Variants in ADGRB3 observed in about 807,000 individuals in gnomAD.
ADGRB3 encodes brain-specific angiogenesis inhibitor 3.
A neutral mutation model predicts 193.4 loss-of-function variants in ADGRB3; 37 were observed. That is an observed-to-expected ratio of 0.19 (90% CI 0.15 to 0.25). ADGRB3 has a LOEUF of 0.25. Among genes scored for constraint, ADGRB3 ranks in the 10% least tolerant of loss-of-function variants. The probability of loss-of-function intolerance (pLI) is 1.00; values close to 1 mark genes in which losing one functional copy is unlikely to be tolerated. For missense variants in ADGRB3, 1,637 were observed against 1,852.9 expected, an observed-to-expected ratio of 0.88 and a Z score of 2.14; for synonymous variants, 690 against 644.2, an observed-to-expected ratio of 1.07 and a Z score of -1.08.
At chr6:69,031,036 TCTCTC>T (rs1770646692) in intron 13 of ADGRB3, among the ~76,000 whole-genome samples, 4 of 62,626 alleles carry the variant, frequency 6.4e-5, no homozygotes, top group Non-Finnish European at 1.0e-4. Flanking sequence ...CCTCTTCTCT[TCTCTC>T]TTCTCTTCTC....
At chr6:68,765,246 A>G (rs962887834) in intron 3 of ADGRB3, among the ~76,000 whole-genome samples, 1 of 152,104 alleles carries the variant, frequency 6.6e-6, no homozygotes, top group Non-Finnish European at 1.5e-5. Flanking sequence ...TAATGTATTC[A>G]ATTATGAAAT....
intron 17 of ADGRB3, among the ~76,000 whole-genome samples, chr6:69,212,839 G>C (rs1389776887): frequency 2.0e-5 from 3 of 152,108 alleles, no homozygotes; most frequent in Non-Finnish European, 4.4e-5. Flanking sequence ...GAACTTTCTC[G>C]ATCTGTGGGC....
intron 31 of ADGRB3, among the ~76,000 whole-genome samples, chr6:69,384,256 G>T (rs1431094315): frequency 6.6e-6 from 1 of 151,898 alleles, no homozygotes; most frequent in African/African-American, 2.4e-5. Context: ...CTTAAAGTAG[G>T]AATCATGTAT....
chr6:68,739,976 AAAC>A (rs775033530), intron 3 of ADGRB3, among the ~76,000 whole-genome samples: 4 of 149,152 alleles, frequency 2.7e-5, no homozygotes, highest in Non-Finnish European at 5.9e-5. Flanking sequence ...TTCAAGTGAA[AAAC>A]AACATTAATA....
At chr6:69,348,651 G>A in intron 26 of ADGRB3, among the ~76,000 whole-genome samples, 1 of 151,272 alleles carries the variant, frequency 6.6e-6, no homozygotes, top group Admixed American at 6.6e-5. Flanking sequence ...GACAGAGCAA[G>A]ACTCTGCCAA....
chr6:69,086,326 G>A (rs1374688839), intron 17 of ADGRB3, among the ~76,000 whole-genome samples: 1 of 152,080 alleles, frequency 6.6e-6, no homozygotes, highest in Non-Finnish European at 1.5e-5. Context: ...TTGTTTTTCA[G>A]TATGAACTGG....
intron 17 of ADGRB3, among the ~76,000 whole-genome samples, chr6:69,180,583 A>G (rs1775552536): frequency 6.6e-6 from 1 of 152,162 alleles, no homozygotes; most frequent in African/African-American, 2.4e-5. Flanking sequence ...TTATCTCAGG[A>G]GAGCAGGCTG....
At chr6:69,200,417 C>A (rs1765394767) in intron 17 of ADGRB3, among the ~76,000 whole-genome samples, 1 of 151,960 alleles carries the variant, frequency 6.6e-6, no homozygotes, top group Admixed American at 6.6e-5. Context: ...TAAAATTAAA[C>A]CCACATTGAC....
At chr6:68,826,504 A>G (rs914943827) in intron 3 of ADGRB3, among the ~76,000 whole-genome samples, 2 of 152,208 alleles carry the variant, frequency 1.3e-5, no homozygotes, top group South Asian at 2.1e-4. Context: ...AGGCACTGGA[A>G]GAAATTTGGC....
chr6:68,648,626 G>A lies in ADGRB3; in HGVS notation c.757+9194G>A, dbSNP rs143142945. On this transcript the variant is annotated intron_variant, in intron 3 of 31. Coordinates refer to ENST00000370598, the MANE Select transcript of ADGRB3 (RefSeq NM_001704.3). Reference sequence around the variant, plus strand: ...TGTGGAGTCAACCACGGAAGATTATGTAGGTAGAATTACTTCTTAACAACA... The same window carrying A: ...TGTGGAGTCAACCACGGAAGATTATATAGGTAGAATTACTTCTTAACAACA... 4.3e-4 allele frequency among the ~76,000 whole-genome samples: 65 copies of A among 151,054 alleles called. No individual in the cohort carries two copies. The East Asian group carries it at 9.3e-3, about 22-fold the overall frequency.
intron 17 of ADGRB3, among the ~76,000 whole-genome samples, chr6:69,166,849 A>G (rs1188369066): frequency 1.3e-5 from 2 of 152,154 alleles, no homozygotes; most frequent in African/African-American, 4.8e-5. Context: ...TGAGCAGTAC[A>G]ATGGACTCTC....
intron 20 of ADGRB3, among the ~76,000 whole-genome samples, chr6:69,305,636 A>T (rs1286617160): frequency 2.0e-5 from 3 of 149,476 alleles, no homozygotes; most frequent in African/African-American, 7.4e-5. Flanking sequence ...GAAAGCAAAG[A>T]GTCAACACAG....
chr6:69,182,615 A>C (rs1751265934), intron 17 of ADGRB3, among the ~76,000 whole-genome samples: 1 of 151,888 alleles, frequency 6.6e-6, no homozygotes, highest in African/African-American at 2.4e-5. Context: ...ATTTTTTTTC[A>C]TCACTGCCAT....
intron 20 of ADGRB3, among the ~76,000 whole-genome samples, chr6:69,252,532 A>G (rs1160129524): frequency 6.6e-6 from 1 of 152,144 alleles, no homozygotes; most frequent in Non-Finnish European, 1.5e-5. Context: ...TACTCTTACC[A>G]GTAATCTATG....
chr6:68,870,088 C>T (rs1380413304), intron 3 of ADGRB3, among the ~76,000 whole-genome samples: 2 of 152,170 alleles, frequency 1.3e-5, no homozygotes, highest in Non-Finnish European at 2.9e-5. Flanking sequence ...CGAAAGGCAA[C>T]ATTCTTATAA....
intron 17 of ADGRB3, among the ~76,000 whole-genome samples, chr6:69,095,981 A>G (rs1177773691): frequency 6.6e-6 from 1 of 152,186 alleles, no homozygotes; most frequent in Non-Finnish European, 1.5e-5. Context: ...CTAATGTAAG[A>G]CCAGAGGCCT....
chr6:68,982,016 G>A (rs968297297), intron 10 of ADGRB3, among the ~76,000 whole-genome samples: 3 of 151,900 alleles, frequency 2.0e-5, no homozygotes, highest in Non-Finnish European at 2.9e-5. Flanking sequence ...CTCCTGAGTA[G>A]CTGGGATTAC....
chr6:68,865,194 C>T (rs1169641095), intron 3 of ADGRB3, among the ~76,000 whole-genome samples: 1 of 152,118 alleles, frequency 6.6e-6, no homozygotes, highest in African/African-American at 2.4e-5. Flanking sequence ...ATATTTTGCT[C>T]ATCCTCAGAC....
intron 13 of ADGRB3, among the ~76,000 whole-genome samples, chr6:69,028,530 C>T (rs1034283751): frequency 6.6e-5 from 10 of 151,996 alleles, no homozygotes; most frequent in Admixed American, 3.3e-4. Context: ...TATGATGTTT[C>T]AATTTATTAG....
Sources: gnomAD v4.1 joint callset for allele counts (sites outside exome capture counted in the v4.1 genomes callset) on GRCh38, gnomAD v4.1.1 for gene constraint, MANE v1.5 for transcripts, NCBI Gene and HGNC (gene_info 2026-07-23, HGNC 2026-07-21) for gene names.